SRL: variants seen among roughly 807,000 people sequenced by gnomAD.
SRL encodes the protein sarcalumenin.
A neutral mutation model predicts 39.5 loss-of-function variants in SRL; 23 were observed. The ratio of observed to expected loss-of-function variants is 0.58; its 90% CI spans 0.42 to 0.82. SRL has a LOEUF of 0.82. SRL is among the 40% of genes least tolerant of loss of function. The pLI is 0.00. For synonymous variants in SRL, 272 were observed against 237.4 expected (o/e 1.15, Z -1.34); for missense variants, 592 against 607.8 (o/e 0.97, Z 0.27).
Position 4,199,630 on chromosome 16 carries a change from C to G in SRL, c.260-1715G>C, listed in dbSNP as rs1284877788. ...AAGAGATCCACCCACCTTGGCCTCCCAAAGTGCTTCTATTGCAGGCATGAG... is the reference window on the plus strand; with the variant it reads ...AAGAGATCCACCCACCTTGGCCTCCGAAAGTGCTTCTATTGCAGGCATGAG... On this transcript the variant is annotated intron_variant, in intron 3 of 5. Coordinates refer to ENST00000399609, the MANE Select transcript of SRL (RefSeq NM_001098814.2). 4.6e-5 allele frequency among the ~76,000 whole-genome samples: 7 copies of G among 151,338 alleles called. No homozygotes were observed. In the South Asian group the frequency reaches 1.3e-3, roughly 27 times the overall value.
At chr16:4,233,883 T>A (rs1273703186) in intron 1 of SRL, among the ~76,000 whole-genome samples, 1 of 152,100 alleles carries the variant, frequency 6.6e-6, no homozygotes, top group Non-Finnish European at 1.5e-5. Flanking sequence ...ATCCTGCTTT[T>A]CCAGCCTAAA....
In SRL at chr16:4,190,322, T is replaced by C; in HGVS notation, c.*1831A>G. 7.5e-6 allele frequency: 3 copies of C among 399,194 alleles called. No individual in the cohort carries two copies. 24.7% of individuals were successfully genotyped at this position (399,194 alleles called of 1,614,324 possible). Reference sequence around the variant, plus strand: ...CCCTCTGCCTGCCTTTCCACTGTCCTGGGTCCAGGATGACTTCCTGGTGCT... The same window carrying C: ...CCCTCTGCCTGCCTTTCCACTGTCCCGGGTCCAGGATGACTTCCTGGTGCT... On this transcript the variant is annotated 3_prime_UTR_variant, in exon 6 of 6. Coordinates refer to ENST00000399609, the MANE Select transcript of SRL (RefSeq NM_001098814.2).
chr16:4,204,780 G>A, intron 1 of SRL, 146 bp from the exon 2 acceptor site: 1 of 657,542 alleles, frequency 1.5e-6, no homozygotes, highest in Admixed American at 2.5e-5. Flanking sequence ...CTGCCTTTAG[G>A]AAGGAATTTG....
intron 1 of SRL, among the ~76,000 whole-genome samples, chr16:4,241,591 G>C (rs550760695): frequency 2.0e-5 from 3 of 152,168 alleles, no homozygotes; most frequent in African/African-American, 7.2e-5. Context: ...TCTCTTACCC[G>C]AGTGGGGCCT....
At chr16:4,208,160 C>A (rs1036080135) in intron 1 of SRL, 1 of 387,510 alleles carries the variant, frequency 2.6e-6, no homozygotes, top group Non-Finnish European at 5.1e-6. Flanking sequence ...GGCTCTGTTT[C>A]TCAAGAGTCT....
rs540734084 is a variant in SRL, at chr16:4,203,112, C to A, written c.259+54G>T. 25 of 1,529,802 alleles carry A rather than the reference C, an allele frequency of 1.6e-5. No homozygotes were observed. The African/African-American group carries it at 2.7e-4, about 17-fold the overall frequency. 94.8% of individuals were successfully genotyped at this position (1,529,802 alleles called of 1,614,324 possible). ...CCGGTCAGCAGTGTGGCCCCGCCGA[C>A]AGGCCTGCGCCGTACCCGTAATCTC... On this transcript the variant is annotated intron_variant, in intron 3 of 5. Coordinates refer to ENST00000399609, the MANE Select transcript of SRL (RefSeq NM_001098814.2).
intron 1 of SRL, among the ~76,000 whole-genome samples, chr16:4,241,073 G>A (rs898628830): frequency 6.6e-6 from 1 of 152,024 alleles, no homozygotes; most frequent in Non-Finnish European, 1.5e-5. Context: ...CTGGACTCTG[G>A]GCCTCTCCAG....
intron 1 of SRL, among the ~76,000 whole-genome samples, chr16:4,227,133 G>A (rs531249892): frequency 1.3e-5 from 2 of 151,874 alleles, no homozygotes; most frequent in Non-Finnish European, 1.5e-5. Context: ...ATGGAAGGAT[G>A]GATGAAAGCA....
At chr16:4,236,967 G>C (rs1193127418) in intron 1 of SRL, among the ~76,000 whole-genome samples, 1 of 143,498 alleles carries the variant, frequency 7.0e-6, no homozygotes, top group African/African-American at 2.6e-5. Flanking sequence ...TTTGAGACAA[G>C]GTCTCACTCA....
intron 1 of SRL, among the ~76,000 whole-genome samples, chr16:4,223,103 G>T (rs542463165): frequency 1.7e-4 from 26 of 151,684 alleles, no homozygotes; most frequent in African/African-American, 5.8e-4. Flanking sequence ...ATGGTGACGG[G>T]CGCCTGTAGT....
chr16:4,216,523 C>G (rs944111011), intron 1 of SRL, among the ~76,000 whole-genome samples: 2 of 152,214 alleles, frequency 1.3e-5, no homozygotes, highest in Non-Finnish European at 2.9e-5. Context: ...CCACCCGCCT[C>G]AAGTTCCCAA....
At chr16:4,224,966 G>A (rs936571926) in intron 1 of SRL, among the ~76,000 whole-genome samples, 3 of 152,178 alleles carry the variant, frequency 2.0e-5, no homozygotes, top group Non-Finnish European at 2.9e-5. Flanking sequence ...TGGAAGACAC[G>A]GTGGTAAGTG....
intron 1 of SRL, among the ~76,000 whole-genome samples, chr16:4,210,831 G>A (rs2052384099): frequency 6.6e-6 from 1 of 152,186 alleles, no homozygotes; most frequent in South Asian, 2.1e-4. Context: ...GAGACATTGA[G>A]GCCCTTGTTG....
At chr16:4,227,814 C>A (rs944935369) in intron 1 of SRL, among the ~76,000 whole-genome samples, 9 of 152,194 alleles carry the variant, frequency 5.9e-5, no homozygotes, top group Admixed American at 2.6e-4. Context: ...CATCATGTGA[C>A]AGCTACATGA....
At chr16:4,239,540 G>T (rs936417915) in intron 1 of SRL, 19 of 152,314 alleles carry the variant, frequency 1.2e-4, no homozygotes, top group African/African-American at 4.6e-4. Flanking sequence ...GCTCTCCAGG[G>T]AAACCAAAAG....
chr16:4,204,444 G>A lies in SRL; in HGVS notation c.163+89C>T, dbSNP rs545876031. 592 of 687,566 alleles carry A rather than the reference G, an allele frequency of 8.6e-4. 2 individuals are homozygous for A. The African/African-American group carries it at 0.015, about 18-fold the overall frequency. The allele number at this position is 687,566 out of a possible 1,614,324, so 42.6% of individuals were successfully genotyped here. On this transcript the variant is annotated intron_variant, in intron 2 of 5. Transcript: ENST00000399609. Reference sequence around the variant, plus strand: ...GGCCTCCAAGATACAGCCCCGGCACGCCCTGGCTCTCAGGAGCCTCCAGGA... The same window carrying A: ...GGCCTCCAAGATACAGCCCCGGCACACCCTGGCTCTCAGGAGCCTCCAGGA...
chr16:4,200,814 C>T (rs2052217685), intron 3 of SRL, among the ~76,000 whole-genome samples: 1 of 152,192 alleles, frequency 6.6e-6, no homozygotes, highest in South Asian at 2.1e-4. Flanking sequence ...GTCTCTGGGC[C>T]TCAGGCTCCC....
intron 1 of SRL, among the ~76,000 whole-genome samples, chr16:4,240,455 A>G (rs1469809895): frequency 6.6e-6 from 1 of 152,170 alleles, no homozygotes; most frequent in Non-Finnish European, 1.5e-5. Flanking sequence ...ACAGTGGATG[A>G]AACCCACAGC....
intron 1 of SRL, among the ~76,000 whole-genome samples, chr16:4,212,725 C>G (rs2052409476): frequency 1.3e-5 from 2 of 152,108 alleles, no homozygotes; most frequent in South Asian, 4.1e-4. Context: ...TGGGAAGGCC[C>G]CACCCCACTC....
Sources: allele counts gnomAD v4.1 joint callset (sites outside exome capture counted in the v4.1 genomes callset), GRCh38; gene constraint gnomAD v4.1.1; transcripts MANE v1.5; gene names NCBI Gene and HGNC (gene_info 2026-07-23, HGNC 2026-07-21).